Variants in ARHGAP12 observed in about 807,000 individuals in gnomAD.
ARHGAP12 encodes rho GTPase-activating protein 12.
In ARHGAP12, 64 loss-of-function variants were observed where a neutral mutation model predicts 108.6. The ratio of observed to expected loss-of-function variants is 0.59; its 90% CI spans 0.48 to 0.73. The LOEUF is 0.73. Among genes scored for constraint, ARHGAP12 ranks in the 30% least tolerant of loss-of-function variants. ARHGAP12 has a pLI of 0.00. For missense variants in ARHGAP12, 940 were observed against 1,005.9 expected (o/e 0.93, Z 0.89); for synonymous variants, 312 against 337.2 (o/e 0.93, Z 0.82).
intron 3 of ARHGAP12, among the ~76,000 whole-genome samples, chr10:31,883,713 C>CTTT (rs545505761): frequency 7.2e-6 from 1 of 139,830 alleles, no homozygotes; most frequent in African/African-American, 2.6e-5. Context: ...ATGTAAAATA[C>CTTT]TTTTTTTTTT....
intron 3 of ARHGAP12, among the ~76,000 whole-genome samples, chr10:31,870,230 C>CTTTTTTTTTTTTT (rs567626260): frequency 7.2e-6 from 1 of 138,266 alleles, no homozygotes; most frequent in Non-Finnish European, 1.6e-5. Flanking sequence ...TAATTTCTGT[C>CTTTTTTTTTTTTT]TTTTTTTTTT....
At chr10:31,821,848 A>C (rs999112690) in intron 11 of ARHGAP12, among the ~76,000 whole-genome samples, 2 of 152,208 alleles carry the variant, frequency 1.3e-5, no homozygotes, top group Non-Finnish European at 2.9e-5. Flanking sequence ...TTGTCAATCG[A>C]AAGACAAATT....
intron 4 of ARHGAP12, among the ~76,000 whole-genome samples, chr10:31,858,197 C>G (rs1319711668): frequency 3.3e-5 from 5 of 151,960 alleles, no homozygotes; most frequent in Non-Finnish European, 7.4e-5. Context: ...AGAGCAAAAC[C>G]CTGTCTCCTG....
chr10:31,861,521 A>C lies in ARHGAP12; in HGVS notation c.822T>G (p.His274Gln). The stretch of plus-strand genomic sequence containing the variant: ...AATAGCAACGCCCTGAGCTGTCTTT[A>C]TGAGTTTCCCATTCTCCATTAATCT... ...AIQINGEWET[H>Q]KDSSGRCYYY... is the part of the protein sequence containing the mutation. The change falls in exon 4 of 20, where the codon CAT becomes CAG. Residue 274 changes from histidine (H) to glutamine (Q), a missense_variant. His to Gln is a conservative substitution (Grantham distance 24). Coordinates refer to ENST00000344936, the MANE Select transcript of ARHGAP12 (RefSeq NM_018287.7). The C allele has an allele frequency of 6.2e-7, 1 of 1,614,080 alleles. No individual in the cohort carries two copies. The highest frequency in any genetic ancestry group is 8.5e-7 in the Non-Finnish European group (1 of 1,180,018).
chr10:31,828,842 C>T (rs1244146978), intron 10 of ARHGAP12, among the ~76,000 whole-genome samples: 1 of 151,894 alleles, frequency 6.6e-6, no homozygotes, highest in African/African-American at 2.4e-5. Context: ...TATTTATAGA[C>T]AACAAAAAAT....
At chr10:31,920,403 C>CTGCA (rs886139989) in intron 1 of ARHGAP12, among the ~76,000 whole-genome samples, 1 of 139,006 alleles carries the variant, frequency 7.2e-6, no homozygotes, top group African/African-American at 2.8e-5. Context: ...TGAGCCAAGA[C>CTGCA]TGCACCACTG....
At chr10:31,894,087 G>A (rs1383012783) in intron 3 of ARHGAP12, among the ~76,000 whole-genome samples, 1 of 152,154 alleles carries the variant, frequency 6.6e-6, no homozygotes, top group African/African-American at 2.4e-5. Flanking sequence ...AGGTATTGAT[G>A]GGATGTATCT....
chr10:31,828,555 C>G (rs1293882760), intron 10 of ARHGAP12, among the ~76,000 whole-genome samples: 2 of 151,866 alleles, frequency 1.3e-5, no homozygotes, highest in Non-Finnish European at 2.9e-5. Context: ...TTTTTTAGTT[C>G]AATTTTCAAA....
intron 1 of ARHGAP12, among the ~76,000 whole-genome samples, chr10:31,920,593 T>A (rs1199984813): frequency 6.6e-6 from 1 of 152,128 alleles, no homozygotes; most frequent in Non-Finnish European, 1.5e-5. Flanking sequence ...TCAAATTGAT[T>A]TTAACAAGAA....
rs59050160 is a variant in ARHGAP12, at chr10:31,874,973, C to CAAAAAAAAA, written c.685-13324_685-13316dup. Among the ~76,000 whole-genome samples, 6 of 58,324 alleles carry CAAAAAAAAA rather than the reference C, an allele frequency of 1.0e-4. 1 individual carries two copies. The highest frequency in any genetic ancestry group is 1.3e-4 in the African/African-American group (2 of 15,712). 38.3% of individuals were successfully genotyped at this position (58,324 alleles called of 152,430 possible). A position where few individuals can be genotyped will look rare whatever the true frequency, so the allele number is the denominator to read the frequency against. On this transcript the variant is annotated intron_variant, in intron 3 of 19. Coordinates refer to ENST00000344936, the MANE Select transcript of ARHGAP12 (RefSeq NM_018287.7). ...TGGGTGACAACGCAAGACTCTGTCT[C>CAAAAAAAAA]AAAAAAAAAAAAAAAAAAAAAAAAA... is the stretch of plus-strand genomic sequence containing the variant.
chr10:31,914,125 G>C (rs1385317212), intron 1 of ARHGAP12, among the ~76,000 whole-genome samples: 2 of 152,114 alleles, frequency 1.3e-5, no homozygotes, highest in Non-Finnish European at 2.9e-5. Context: ...GCAGTTGTTT[G>C]TTAAAATTCT....
In ARHGAP12 at chr10:31,811,547, T is replaced by C. The variant is rs909158491; in HGVS notation, c.1952-800A>G. On this transcript the variant is annotated intron_variant, in intron 15 of 19. Coordinates refer to ENST00000344936, the MANE Select transcript of ARHGAP12 (RefSeq NM_018287.7). The stretch of plus-strand genomic sequence containing the variant: ...CTATTCACTTATTTGCCAGGCTTTT[T>C]TTTTTTTTTTTTAAGTTTTTAAAGA... Among the ~76,000 whole-genome samples the C allele has an allele frequency of 7.7e-4, 116 of 151,440 alleles. 1 individual carries two copies. The highest frequency in any genetic ancestry group is 2.7e-3 in the African/African-American group (111 of 41,344).
chr10:31,865,791 T>C (rs1222075870), intron 3 of ARHGAP12, among the ~76,000 whole-genome samples: 3 of 150,016 alleles, frequency 2.0e-5, no homozygotes, highest in South Asian at 2.1e-4. Flanking sequence ...GGCAGGAGAA[T>C]GGCGTGAACC....
chr10:31,862,507 G>A (rs74940468), intron 3 of ARHGAP12, among the ~76,000 whole-genome samples: 244 of 152,144 alleles, frequency 1.6e-3, no homozygotes, highest in African/African-American at 5.2e-3. Flanking sequence ...AAAAACACAC[G>A]TCTGAGAACA....
chr10:31,827,142 T>G (rs544509647), intron 10 of ARHGAP12, among the ~76,000 whole-genome samples: 1 of 152,290 alleles, frequency 6.6e-6, no homozygotes, highest in South Asian at 2.1e-4. Flanking sequence ...ACACAGCATA[T>G]GTATTATCAG....
chr10:31,886,649 T>A (rs1009752767), intron 3 of ARHGAP12, among the ~76,000 whole-genome samples: 4 of 152,226 alleles, frequency 2.6e-5, no homozygotes, highest in African/African-American at 7.2e-5. Context: ...CTGTGCTATA[T>A]GAACATTTAT....
intron 4 of ARHGAP12, 88 bp downstream of exon 4, chr10:31,861,303 CAGTA>C: frequency 2.1e-6 from 3 of 1,428,238 alleles, no homozygotes; most frequent in South Asian, 1.4e-5. Flanking sequence ...AACATGCTGA[CAGTA>C]AGAAACAAAA....
At position 31,817,840 on chromosome 10, in the gene ARHGAP12, T is replaced by C. The variant is rs1255107283; in HGVS notation, c.1679A>G (p.Asp560Gly). Reference protein sequence around the residue: ...GTELLIQSDNDTVINDWFKVL... With the variant: ...GTELLIQSDNGTVINDWFKVL... Reference sequence around the variant, plus strand: ...TTTAAACCAATCATTAATAACAGTGTCATTGTCAGACTGAATTAGCAGTTC... The same window carrying C: ...TTTAAACCAATCATTAATAACAGTGCCATTGTCAGACTGAATTAGCAGTTC... The change falls in exon 13 of 20, where the codon GAC becomes GGC. Residue 560 changes from aspartate (D) to glycine (G), a missense_variant. Physicochemically the swap from Asp to Gly is moderately conservative, Grantham distance 94. Transcript: ENST00000344936. 6.2e-7 allele frequency: 1 copy of C among 1,612,430 alleles called. No homozygotes were observed. Among genetic ancestry groups the C allele is most frequent in the Non-Finnish European group, 8.5e-7 (1 of 1,179,402 alleles).
intron 3 of ARHGAP12, among the ~76,000 whole-genome samples, chr10:31,874,383 G>A (rs772216783): frequency 1.3e-5 from 2 of 152,084 alleles, no homozygotes; most frequent in Non-Finnish European, 2.9e-5. Flanking sequence ...ACATAAATGG[G>A]TTTCTAACTT....
Sources: gnomAD v4.1 joint callset for allele counts (sites outside exome capture counted in the v4.1 genomes callset) on GRCh38, gnomAD v4.1.1 for gene constraint, MANE v1.5 for transcripts, NCBI Gene and HGNC (gene_info 2026-07-23, HGNC 2026-07-21) for gene names.